The following LRRC40 variants were observed in gnomAD, a reference collection of about 807,000 sequenced individuals.
The protein encoded by LRRC40 is leucine rich repeat containing 40.
Under a neutral mutation model 72.8 loss-of-function variants are expected in LRRC40, and 76 were observed. The ratio of observed to expected loss-of-function variants is 1.04; its 90% CI spans 0.87 to 1.26. The LOEUF (loss-of-function observed/expected upper bound fraction) is 1.26, where lower values mean the gene tolerates loss of function less well. LRRC40 is among the 50% of genes most tolerant of loss of function. LRRC40 has a pLI of 0.00. For missense variants in LRRC40, 684 were observed against 698.9 expected, an observed-to-expected ratio of 0.98 and a Z score of 0.24; for synonymous variants, 243 against 254.2, an observed-to-expected ratio of 0.96 and a Z score of 0.42.
chr1:70,196,987 A>G (rs1401925776), intron 1 of LRRC40, among the ~76,000 whole-genome samples: 1 of 152,204 alleles, frequency 6.6e-6, no homozygotes, highest in Admixed American at 6.5e-5. Context: ...TACACATATA[A>G]CATATATCAC....
intron 1 of LRRC40, among the ~76,000 whole-genome samples, chr1:70,194,368 T>C (rs1668564277): frequency 6.6e-6 from 1 of 152,066 alleles, no homozygotes; most frequent in East Asian, 1.9e-4. Flanking sequence ...TGAAATAGTA[T>C]TAAATGTACA....
At chr1:70,201,787 A>G (rs1166472854) in intron 1 of LRRC40, among the ~76,000 whole-genome samples, 3 of 152,144 alleles carry the variant, frequency 2.0e-5, no homozygotes, top group Non-Finnish European at 4.4e-5. Flanking sequence ...AGCCTGACCA[A>G]CATGGAGAAA....
chr1:70,166,326 T>C (rs1021825425), intron 9 of LRRC40, among the ~76,000 whole-genome samples: 9 of 152,118 alleles, frequency 5.9e-5, no homozygotes, highest in African/African-American at 2.2e-4. Context: ...GTTAATAATA[T>C]GACCAATTAT....
intron 1 of LRRC40, among the ~76,000 whole-genome samples, chr1:70,189,745 T>G (rs889882259): frequency 6.6e-6 from 1 of 152,256 alleles, no homozygotes; most frequent in Non-Finnish European, 1.5e-5. Flanking sequence ...AACATACTAA[T>G]TCACTTAAAC....
chr1:70,170,339 T>A (rs1404037672), intron 9 of LRRC40, among the ~76,000 whole-genome samples: 2 of 152,162 alleles, frequency 1.3e-5, no homozygotes, highest in East Asian at 1.9e-4. Flanking sequence ...CCCAAAGATG[T>A]CCAGTCTCAG....
chr1:70,186,926 A>G (rs1668373017), intron 3 of LRRC40, among the ~76,000 whole-genome samples: 2 of 152,172 alleles, frequency 1.3e-5, no homozygotes, highest in Non-Finnish European at 2.9e-5. Flanking sequence ...AGATATTTTT[A>G]GAATATCAAG....
At chr1:70,165,046 T>G (rs1399885784) in intron 9 of LRRC40, among the ~76,000 whole-genome samples, 2 of 152,142 alleles carry the variant, frequency 1.3e-5, no homozygotes, top group Non-Finnish European at 2.9e-5. Context: ...TTCAAAAAGG[T>G]ATTATCTGCA....
chr1:70,151,733 A>AT lies in LRRC40; in HGVS notation c.1440-529dup, dbSNP rs916463477. ...TAGAATTTAAATTTACACAATGACT[A>AT]TTTTTTTTTTTTAGCTCTTACAATG... On this transcript the variant is annotated intron_variant, in intron 12 of 14. Transcript: ENST00000370952. The AT allele has an allele frequency of 8.2e-3, 1,201 of 146,704 alleles. 17 individuals are homozygous for AT. Among genetic ancestry groups the AT allele is most frequent in the African/African-American group, 0.027 (1,079 of 40,364 alleles). 9.1% of individuals were successfully genotyped at this position (146,704 alleles called of 1,614,324 possible). A position where few individuals can be genotyped will look rare whatever the true frequency, so the allele number is the denominator to read the frequency against.
chr1:70,161,703 AC>A (rs565241363), intron 9 of LRRC40, among the ~76,000 whole-genome samples: 54 of 152,076 alleles, frequency 3.6e-4, no homozygotes, highest in Non-Finnish European at 6.5e-4. Flanking sequence ...GGCACTGATC[AC>A]TCTGCCTCTC....
In LRRC40 at chr1:70,173,618, T is replaced by G; in HGVS notation, c.1065+4A>C. On this transcript the variant is annotated splice_donor_region_variant and intron_variant, in intron 8 of 14. Transcript: ENST00000370952. ...ACAAAGAGCTGAATTCCAAATATAC[T>G]TACACTTATAATTTCTCTTCGAATT... The G allele has an allele frequency of 6.5e-7, 1 of 1,545,648 alleles. No individual in the cohort carries two copies. The highest frequency in any genetic ancestry group is 8.9e-7 in the Non-Finnish European group (1 of 1,128,318).
Position 70,157,210 on chromosome 1 carries a change from C to T in LRRC40, c.1221-1414G>A, listed in dbSNP as rs2100244715. The stretch of plus-strand genomic sequence containing the variant: ...CATTTCACAGTTATTATACCTTCTA[C>T]TTCTGCTTTAGCATCCCATTTTCTT... On this transcript the variant is annotated intron_variant, in intron 10 of 14. Coordinates refer to ENST00000370952, the MANE Select transcript of LRRC40 (RefSeq NM_017768.5). 1.3e-5 allele frequency among the ~76,000 whole-genome samples: 2 copies of T among 152,280 alleles called. 1 individual carries two copies. Among genetic ancestry groups the T allele is most frequent in the South Asian group, 4.1e-4 (2 of 4,822 alleles).
At chr1:70,173,764 C>T in intron 7 of LRRC40, 55 bp from the exon 8 acceptor site, 2 of 829,972 alleles carry the variant, frequency 2.4e-6, no homozygotes, top group South Asian at 3.6e-5. Context: ...TATACTCCAA[C>T]CATAGTTAAC....
chr1:70,155,740 A>G lies in LRRC40; in HGVS notation c.1277T>C (p.Ile426Thr). ...DEVFDAVKSN[I>T]VTSINFSKNQ... is the part of the protein sequence containing the mutation. ...CTTACTGAAGTTAATAGAAGTGACG[A>G]TGTTGCTTTTTACTGCATCAAACAC... The change falls in exon 11 of 15, where the codon ATC becomes ACC. Residue 426 changes from isoleucine to threonine, a missense_variant. Ile to Thr is a moderately conservative substitution (Grantham distance 89, BLOSUM62 -1). Coordinates refer to ENST00000370952, the MANE Select transcript of LRRC40 (RefSeq NM_017768.5). 2 of 1,584,172 alleles carry G rather than the reference A, an allele frequency of 1.3e-6. No individual in the cohort carries two copies. Among genetic ancestry groups the G allele is most frequent in the Non-Finnish European group, 1.7e-6 (2 of 1,160,762 alleles).
In LRRC40 at chr1:70,189,196, T is replaced by A. The variant is rs948904656; in HGVS notation, c.229A>T (p.Arg77Ter). ...NQNLSFGATE[R>*]WWEQTDLTKL... Reference sequence around the variant, plus strand: ...GTCAAATCTGTCTGCTCCCACCATCTTTCAGTAGCACCAAACGAAAGATTC... The same window carrying A: ...GTCAAATCTGTCTGCTCCCACCATCATTCAGTAGCACCAAACGAAAGATTC... The change falls in exon 2 of 15, where the codon AGA (arginine) becomes TGA (stop). Residue 77 changes from arginine (R) to a stop codon, truncating the protein, a stop_gained. Transcript: ENST00000370952. LOFTEE classifies it high-confidence loss of function. The A allele has an allele frequency of 1.9e-6, 3 of 1,613,542 alleles. No homozygotes were observed. The African/African-American group carries it at 4.0e-5, about 22-fold the overall frequency.
rs551945461 is a variant in LRRC40, at chr1:70,194,838, T to A, written c.152-5565A>T. Among the ~76,000 whole-genome samples, 15 of 152,248 alleles carry A rather than the reference T, an allele frequency of 9.9e-5. No homozygotes were observed. In the South Asian group the frequency reaches 3.1e-3, roughly 32 times the overall value. ...AAGTCTGACCATGAAGCTACATTTG[T>A]CAAGATAGTGTAGTATTAGCATAAG... On this transcript the variant is annotated intron_variant, in intron 1 of 14. Coordinates refer to ENST00000370952, the MANE Select transcript of LRRC40 (RefSeq NM_017768.5).
At chr1:70,153,672 CAAAT>C (rs1376230559) in intron 11 of LRRC40, among the ~76,000 whole-genome samples, 5 of 151,888 alleles carry the variant, frequency 3.3e-5, no homozygotes, top group African/African-American at 1.2e-4. Context: ...ATACTTATGA[CAAAT>C]AAACCAGTCA....
Position 70,151,205 on chromosome 1 carries a change from C to A in LRRC40, c.1440G>T (p.Arg480Ser). The A allele has an allele frequency of 1.3e-6, 2 of 1,516,240 alleles. No individual in the cohort carries two copies. The highest frequency in any genetic ancestry group is 1.1e-5 in the South Asian group (1 of 87,560). 93.9% of individuals were successfully genotyped at this position (1,516,240 alleles called of 1,614,324 possible). ...CTGGCAAAGAATTTAAAAAATTGTT[C>A]CTAAATTGGAAATCAAAACAGAAGA... ...VLQKLTFLDLRNNFLNSLPEE... is the reference protein window; with the variant it reads ...VLQKLTFLDLSNNFLNSLPEE... The change falls in exon 13 of 15, where the codon AGG (arginine) becomes AGT (serine). Residue 480 changes from arginine to serine, a missense_variant and splice_region_variant. By Grantham distance (110) the Arg-to-Ser change is moderately radical (BLOSUM62 -1). Transcript: ENST00000370952.
intron 1 of LRRC40, among the ~76,000 whole-genome samples, chr1:70,198,683 TA>T (rs1226890974): frequency 9.9e-5 from 15 of 152,176 alleles, no homozygotes; most frequent in Middle Eastern, 6.3e-3. Context: ...AATGATTACT[TA>T]AAAATTGCGA....
chr1:70,195,555 G>A (rs556517193), intron 1 of LRRC40, among the ~76,000 whole-genome samples: 1 of 152,316 alleles, frequency 6.6e-6, no homozygotes, highest in South Asian at 2.1e-4. Context: ...CAAAGTGCTG[G>A]TAATGAGGTG....
Sources: allele counts gnomAD v4.1 joint callset (sites outside exome capture counted in the v4.1 genomes callset), GRCh38; gene constraint gnomAD v4.1.1; transcripts MANE v1.5; gene names NCBI Gene and HGNC (gene_info 2026-07-23, HGNC 2026-07-21).